Variants in CDH23 observed in about 807,000 individuals in gnomAD.
CDH23 encodes cadherin related 23.
In CDH23, 189 loss-of-function variants were observed where a neutral mutation model predicts 317.1. That is an observed-to-expected ratio of 0.60 (90% CI 0.53 to 0.67). The LOEUF (loss-of-function observed/expected upper bound fraction) is 0.67. Ranked by LOEUF, CDH23 falls within the 30% of genes least tolerant of loss-of-function variation. The pLI, the probability that CDH23 is intolerant of heterozygous loss-of-function variation, is 0.00. For synonymous variants in CDH23, 1,839 were observed against 1,876.8 expected (o/e 0.98, Z 0.52); for missense variants, 4,401 against 4,592.4 (o/e 0.96, Z 1.20).
chr10:71,511,130 G>A lies in CDH23; in HGVS notation c.347G>A (p.Arg116Gln), dbSNP rs1305672343. The A allele has an allele frequency of 1.1e-5, 18 of 1,613,362 alleles. No homozygotes were observed. The highest frequency in any genetic ancestry group is 1.4e-5 in the Non-Finnish European group (17 of 1,179,528). ...SVSDHQGVIT[R>Q]KVNIQVGDVN... The stretch of plus-strand genomic sequence containing the variant: ...CCTTTCTCTTGCCAGGTGATCACAC[G>A]GAAGGTGAACATCCAGGTTGGGGAT... The change falls in exon 6 of 70, where the codon CGG becomes CAG. Residue 116 changes from arginine (R) to glutamine (Q), a missense_variant. Arg to Gln is a conservative substitution (Grantham distance 43, BLOSUM62 1). This residue lies in a region of CDH23 where 3,068 missense variants were observed against 3,203.3 expected (regional missense o/e 0.96). Coordinates refer to ENST00000224721, the MANE Select transcript of CDH23 (RefSeq NM_022124.6).
intron 9 of CDH23, among the ~76,000 whole-genome samples, chr10:71,593,027 C>T (rs949956225): frequency 2.0e-5 from 3 of 152,246 alleles, no homozygotes; most frequent in African/African-American, 4.8e-5. Context: ...GCCGTGGGAG[C>T]TGGCAGCCTG....
chr10:71,771,015 TCAA>T (rs575653858), intron 38 of CDH23, among the ~76,000 whole-genome samples: 1 of 152,190 alleles, frequency 6.6e-6, no homozygotes, highest in South Asian at 2.1e-4. Context: ...ACTGGGTTAC[TCAA>T]CAAGGCCCTG....
intron 28 of CDH23, chr10:71,716,138 C>T (rs1866218195): frequency 6.5e-7 from 1 of 1,550,060 alleles, no homozygotes; most frequent in Admixed American, 2.0e-5. Flanking sequence ...CCTGCGGCGG[C>T]TCGGGTCCAG....
intron 22 of CDH23, among the ~76,000 whole-genome samples, chr10:71,699,693 A>C (rs919128732): frequency 6.6e-6 from 1 of 152,230 alleles, no homozygotes; most frequent in African/African-American, 2.4e-5. Flanking sequence ...GGGGAGAAGG[A>C]GAGAATTATT....
chr10:71,432,284 G>A (rs1178084507), intron 1 of CDH23, among the ~76,000 whole-genome samples: 1 of 52,644 alleles, frequency 1.9e-5, no homozygotes, highest in Non-Finnish European at 3.4e-5. Flanking sequence ...GAGTGTGTTT[G>A]AGAGTGTGTG....
At chr10:71,446,769 T>G (rs1850190565) in intron 3 of CDH23, among the ~76,000 whole-genome samples, 1 of 152,206 alleles carries the variant, frequency 6.6e-6, no homozygotes, top group Non-Finnish European at 1.5e-5. Flanking sequence ...TGCCTGGCTT[T>G]GGCATTAGAA....
At chr10:71,443,530 G>A (rs1364280528) in intron 2 of CDH23, among the ~76,000 whole-genome samples, 2 of 152,252 alleles carry the variant, frequency 1.3e-5, no homozygotes, top group Non-Finnish European at 2.9e-5. Flanking sequence ...AGTAAAGCAG[G>A]CACATGCCCT....
intron 14 of CDH23, among the ~76,000 whole-genome samples, chr10:71,660,892 G>A (rs1863619087): frequency 6.6e-6 from 1 of 152,178 alleles, no homozygotes; most frequent in Admixed American, 6.5e-5. Flanking sequence ...CACAGACCAG[G>A]TGCTAATCAA....
chr10:71,680,876 T>A, intron 17 of CDH23, among the ~76,000 whole-genome samples: 1 of 130,186 alleles, frequency 7.7e-6, no homozygotes, highest in Non-Finnish European at 1.6e-5. Context: ...TCACCCAGGC[T>A]GGAGTGCAGT....
At chr10:71,613,876 A>G (rs978096065) in intron 9 of CDH23, among the ~76,000 whole-genome samples, 10 of 152,198 alleles carry the variant, frequency 6.6e-5, no homozygotes, top group African/African-American at 2.4e-4. Context: ...AGTCCTGCCC[A>G]TTCTCCAGGA....
intron 3 of CDH23, among the ~76,000 whole-genome samples, chr10:71,479,103 A>G (rs1451717615): frequency 6.6e-6 from 1 of 152,180 alleles, no homozygotes; most frequent in Non-Finnish European, 1.5e-5. Context: ...AATTGTCCCC[A>G]TTATGTAAGA....
intron 31 of CDH23, 89 bp from the exon 32 acceptor site, chr10:71,731,898 A>G: frequency 2.8e-6 from 4 of 1,437,566 alleles, no homozygotes; most frequent in East Asian, 4.8e-5. Context: ...TGGGCCACCC[A>G]GGGGGTATGG....
At chr10:71,482,651 A>C (rs1220035378) in intron 3 of CDH23, among the ~76,000 whole-genome samples, 1 of 152,116 alleles carries the variant, frequency 6.6e-6, no homozygotes, top group Non-Finnish European at 1.5e-5. Flanking sequence ...GGGTATCATC[A>C]ATGCTGCTGG....
chr10:71,679,313 T>TGCCCA, intron 16 of CDH23, 74 bp from the exon 17 acceptor site: 2 of 579,184 alleles, frequency 3.5e-6, no homozygotes, highest in Admixed American at 2.2e-5. Context: ...TTCCCCACCC[T>TGCCCA]CCCAGCTGCC....
chr10:71,410,490 A>G lies in CDH23; in HGVS notation c.-6+13172A>G, dbSNP rs537265767. On this transcript the variant is annotated intron_variant, in intron 1 of 69. Coordinates refer to ENST00000224721, the MANE Select transcript of CDH23 (RefSeq NM_022124.6). ...GCAAAGCAGGACAGCTGTTAGTAGC[A>G]CTGATGTTGGTGCTAAGAGACTTCT... Among the ~76,000 whole-genome samples the G allele has an allele frequency of 2.3e-4, 35 of 152,350 alleles. No homozygotes were observed. In the South Asian group the frequency reaches 6.8e-3, roughly 30 times the overall value.
intron 1 of CDH23, among the ~76,000 whole-genome samples, chr10:71,415,791 G>A (rs6480519): frequency 0.34 from 52,068 of 152,014 alleles, 9,595 homozygotes; most frequent in African/African-American, 0.48. Context: ...TTATTTCCAA[G>A]CATTTGGGGA....
At chr10:71,793,759 C>T (rs921387264) in intron 48 of CDH23, 119 bp downstream of exon 48, 2 of 759,548 alleles carry the variant, frequency 2.6e-6, no homozygotes, top group Admixed American at 5.9e-5. Flanking sequence ...ACTCTCTTCT[C>T]TCCCCCTCCT....
intron 28 of CDH23, chr10:71,713,201 G>T (rs370181056): frequency 9.0e-6 from 7 of 779,148 alleles, no homozygotes; most frequent in Non-Finnish European, 1.7e-5. Flanking sequence ...CTTTCACAGA[G>T]CCCTTGGCCG....
intron 3 of CDH23, among the ~76,000 whole-genome samples, chr10:71,463,620 C>A (rs1023797610): frequency 4.6e-5 from 7 of 152,198 alleles, no homozygotes; most frequent in African/African-American, 7.2e-5. Flanking sequence ...TGCCATCTCT[C>A]CTGCCAGGGT....
Sources: gnomAD v4.1 joint callset for allele counts (sites outside exome capture counted in the v4.1 genomes callset) on GRCh38, gnomAD v4.1.1 for gene constraint, gnomAD v4.1.1 regional missense constraint, MANE v1.5 for transcripts, NCBI Gene and HGNC (gene_info 2026-07-23, HGNC 2026-07-21) for gene names.